The following MRPS5 variants were observed in gnomAD, a reference collection of about 807,000 sequenced individuals.
MRPS5 encodes mitochondrial ribosomal protein S5, also known as small ribosomal subunit protein uS5m.
In MRPS5, 27 loss-of-function variants were observed where a neutral mutation model predicts 51.9. The ratio of observed to expected loss-of-function variants is 0.52; its 90% confidence interval spans 0.38 to 0.72. MRPS5 has a LOEUF of 0.72. Ranked by LOEUF, MRPS5 falls within the 30% of genes least tolerant of loss-of-function variation. The probability of loss-of-function intolerance (pLI) is 0.00; values close to 1 mark genes in which losing one functional copy is unlikely to be tolerated. For synonymous variants in MRPS5, 196 were observed against 193.2 expected (o/e 1.01, Z -0.12); for missense variants, 570 against 545.7 (o/e 1.04, Z -0.44).
Position 95,087,401 on chromosome 2 carries a change from T to C in MRPS5, c.1249A>G (p.Met417Val). 1.9e-6 allele frequency: 3 copies of C among 1,614,118 alleles called. No homozygotes were observed. The highest frequency in any genetic ancestry group is 1.6e-4 in the Middle Eastern group (1 of 6,062). ...DWEDVKTAQG[M>V]KRSVWSNLKR... ...AAATTAGACCACACAGAGCGCTTCATTCCCTGTGCAGTCTTCACATCTTCC... is the reference window on the plus strand; with the variant it reads ...AAATTAGACCACACAGAGCGCTTCACTCCCTGTGCAGTCTTCACATCTTCC... The change falls in exon 12 of 12, where the codon ATG becomes GTG. Residue 417 changes from methionine (M) to valine (V), a missense_variant. Coordinates refer to ENST00000272418, the MANE Select transcript of MRPS5 (RefSeq NM_031902.5).
rs1675287619 is a variant in MRPS5 at position 95,086,337 on chromosome 2, A to C, written c.*1020T>G. ...GCAAATAGCCTCAGCAAATAAAGAG[A>C]AGACATAAAAAATAAACCAAATGGA... On this transcript the variant is annotated 3_prime_UTR_variant, in exon 12 of 12. Coordinates refer to ENST00000272418, the MANE Select transcript of MRPS5 (RefSeq NM_031902.5). Among the ~76,000 whole-genome samples the C allele has an allele frequency of 6.6e-6, 1 of 152,240 alleles. No individual in the cohort carries two copies. Among genetic ancestry groups the C allele is most frequent in the Non-Finnish European group, 1.5e-5 (1 of 68,038 alleles).
chr2:95,113,791 T>C (rs1676198462), intron 3 of MRPS5, among the ~76,000 whole-genome samples: 1 of 151,998 alleles, frequency 6.6e-6, no homozygotes, highest in African/African-American at 2.4e-5. Flanking sequence ...AACGTCGCAC[T>C]GCAGAAGTCC....
At chr2:95,120,640 A>G (rs1273396039) in intron 1 of MRPS5, among the ~76,000 whole-genome samples, 1 of 152,222 alleles carries the variant, frequency 6.6e-6, no homozygotes, top group Non-Finnish European at 1.5e-5. Context: ...GAGCCAGGTG[A>G]TATGGGTGCA....
chr2:95,117,764 G>T, intron 2 of MRPS5, 101 bp downstream of exon 2: 1 of 972,198 alleles, frequency 1.0e-6, no homozygotes, highest in South Asian at 1.6e-5. Context: ...AGAAAAGAGA[G>T]AAAAGAAAAA....
intron 7 of MRPS5, among the ~76,000 whole-genome samples, chr2:95,102,421 T>C (rs1675828191): frequency 1.3e-5 from 2 of 152,318 alleles, no homozygotes; most frequent in South Asian, 2.1e-4. Flanking sequence ...CCCAGCACTT[T>C]GGGAGGCCAA....
intron 5 of MRPS5, 159 bp from the exon 6 acceptor site, chr2:95,106,616 C>G: frequency 1.5e-6 from 1 of 650,598 alleles, no homozygotes. Context: ...CCCCTCATCA[C>G]TAGAGACTGC....
At chr2:95,110,398 A>G (rs538151024) in intron 3 of MRPS5, among the ~76,000 whole-genome samples, 5 of 152,356 alleles carry the variant, frequency 3.3e-5, no homozygotes, top group African/African-American at 9.6e-5. Context: ...CCTCCATTAT[A>G]ACCACTAAGA....
chr2:95,105,556 A>G (rs1330709486), intron 6 of MRPS5, among the ~76,000 whole-genome samples: 1 of 152,144 alleles, frequency 6.6e-6, no homozygotes, highest in African/African-American at 2.4e-5. Flanking sequence ...AAAAAAAAAA[A>G]AGGCCAGGAA....
intron 1 of MRPS5, among the ~76,000 whole-genome samples, chr2:95,119,909 A>G (rs1393815650): frequency 6.6e-6 from 1 of 152,090 alleles, no homozygotes; most frequent in African/African-American, 2.4e-5. Context: ...AAAAATAAAG[A>G]AAAACTAGCC....
At chr2:95,109,806 G>C in intron 4 of MRPS5, 110 bp downstream of exon 4, 1 of 1,233,366 alleles carries the variant, frequency 8.1e-7, no homozygotes, top group Non-Finnish European at 1.1e-6. Context: ...ACCATAGATC[G>C]TAGTGCCCTT....
At chr2:95,092,447 T>C (rs901347982) in intron 10 of MRPS5, 22 of 152,234 alleles carry the variant, frequency 1.4e-4, no homozygotes, top group Admixed American at 1.1e-3. Flanking sequence ...GCATCCTTTT[T>C]GGAGTAAAAC....
At chr2:95,091,096 C>G (rs1353590034) in intron 10 of MRPS5, 2 of 153,450 alleles carry the variant, frequency 1.3e-5, no homozygotes, top group Admixed American at 1.3e-4. Flanking sequence ...ACAAACCAAA[C>G]AAGTTGCTCC....
At position 95,088,098 on chromosome 2, in the gene MRPS5, CT is replaced by C. The variant is rs372461575; in HGVS notation, c.1069-518del. On this transcript the variant is annotated intron_variant, in intron 11 of 11. Transcript: ENST00000272418. ...TAGCAAAAACATACATTAACCTGTT[CT>C]GCAACCTGATTCAAACACATTGTGT... Among the ~76,000 whole-genome samples, 1,188 of 151,530 alleles carry C rather than the reference CT, an allele frequency of 7.8e-3. 10 individuals carry two copies. The highest frequency in any genetic ancestry group is 0.014 in the South Asian group (66 of 4,786).
chr2:95,106,550 C>T (rs1675956306), intron 5 of MRPS5, 93 bp from the exon 6 acceptor site: 11 of 1,056,216 alleles, frequency 1.0e-5, no homozygotes, highest in South Asian at 2.5e-5. Context: ...ACAGACCTTT[C>T]GGGGAGAAAG....
chr2:95,091,953 G>A (rs1362241568), intron 10 of MRPS5: 1 of 152,252 alleles, frequency 6.6e-6, no homozygotes, highest in African/African-American at 2.4e-5. Flanking sequence ...GTATCATGCA[G>A]ATTCTGGAAG....
Position 95,087,548 on chromosome 2 carries a change from G to C in MRPS5, c.1102C>G (p.Leu368Val). 1 of 1,614,054 alleles carries C rather than the reference G, an allele frequency of 6.2e-7. No individual in the cohort carries two copies. Among genetic ancestry groups the C allele is most frequent in the Non-Finnish European group, 8.5e-7 (1 of 1,179,962 alleles). The change falls in exon 12 of 12, where the codon CTC becomes GTC. Residue 368 changes from leucine to valine, a missense_variant. Physicochemically the swap from Leu to Val is conservative, Grantham distance 32. Coordinates refer to ENST00000272418, the MANE Select transcript of MRPS5 (RefSeq NM_031902.5). ...TCCTCCCGGATTTCCACAACATGGA[G>C]GCCCTTCTTATCAGCCAGCTGTTGA... ...THQQLADKKGLHVVEIREECG... is the reference protein window; with the variant it reads ...THQQLADKKGVHVVEIREECG...
chr2:95,098,538 G>C (rs1053858346), intron 10 of MRPS5, among the ~76,000 whole-genome samples: 2 of 152,060 alleles, frequency 1.3e-5, no homozygotes, highest in African/African-American at 2.4e-5. Flanking sequence ...CATGTCCTTC[G>C]TAGGGACATG....
upstream of MRPS5, chr2:95,121,882 G>A: frequency 7.2e-7 from 1 of 1,392,780 alleles, no homozygotes; most frequent in East Asian, 2.9e-5. Flanking sequence ...CAAGCCTTGG[G>A]CCGCAGCGGA....
At chr2:95,121,971 C>T (rs1355755066), upstream of MRPS5, 29 of 664,560 alleles carry the variant, frequency 4.4e-5, no homozygotes, top group Non-Finnish European at 6.6e-5. Flanking sequence ...CAGGCGGAGC[C>T]CGGCGCGACC....
Sources: allele counts gnomAD v4.1 joint callset (sites outside exome capture counted in the v4.1 genomes callset), GRCh38; gene constraint gnomAD v4.1.1; transcripts MANE v1.5; gene names NCBI Gene and HGNC (gene_info 2026-07-23, HGNC 2026-07-21).